UNC5C: variants seen among roughly 807,000 people sequenced by gnomAD.
UNC5C encodes netrin receptor UNC5C.
Under a neutral mutation model 99.8 loss-of-function variants are expected in UNC5C, and 47 were observed. That is an observed-to-expected ratio of 0.47 (90% CI 0.37 to 0.60). The LOEUF (loss-of-function observed/expected upper bound fraction) is 0.60. Ranked by LOEUF, UNC5C falls within the 20% of genes least tolerant of loss-of-function variation. UNC5C has a pLI of 0.00. For synonymous variants in UNC5C, 487 were observed against 452.2 expected (o/e 1.08, Z -0.98); for missense variants, 1,062 against 1,165.9 (o/e 0.91, Z 1.30).
At chr4:95,269,515 T>A (rs968309387) in intron 4 of UNC5C, among the ~76,000 whole-genome samples, 24 of 151,622 alleles carry the variant, frequency 1.6e-4, no homozygotes, top group Non-Finnish European at 3.5e-4. Context: ...CTTGAACTCC[T>A]AGGCTCGAGT....
rs377234493 is a variant in UNC5C, at chr4:95,372,528, A to C, written c.125-36897T>G. On this transcript the variant is annotated intron_variant, in intron 1 of 15. Coordinates refer to ENST00000453304, the MANE Select transcript of UNC5C (RefSeq NM_003728.4). Reference sequence around the variant, plus strand: ...ATTATTGATTTCAAAGAGATTTCTTAATTCTTCCTCTTATTGTTATTCCAT... The same window carrying C: ...ATTATTGATTTCAAAGAGATTTCTTCATTCTTCCTCTTATTGTTATTCCAT... 1.6e-4 allele frequency among the ~76,000 whole-genome samples: 25 copies of C among 152,306 alleles called. No homozygotes were observed. In the South Asian group the frequency reaches 4.6e-3, roughly 28 times the overall value.
At chr4:95,448,942 A>G (rs17381344) in intron 1 of UNC5C, among the ~76,000 whole-genome samples, 105,311 of 151,898 alleles carry the variant, frequency 0.69, 36,847 homozygotes, top group African/African-American at 0.74. Context: ...CTCTAAGTAG[A>G]CTCTTCTAAT....
intron 1 of UNC5C, among the ~76,000 whole-genome samples, chr4:95,534,757 T>C (rs1722732943): frequency 6.6e-6 from 1 of 152,150 alleles, no homozygotes; most frequent in African/African-American, 2.4e-5. Context: ...AAAACATATA[T>C]ATTTAAGAGT....
At chr4:95,261,616 G>A (rs1458054541) in intron 4 of UNC5C, among the ~76,000 whole-genome samples, 3 of 152,022 alleles carry the variant, frequency 2.0e-5, no homozygotes, top group Non-Finnish European at 4.4e-5. Context: ...CTGGATTCAA[G>A]TATCCAGCAC....
intron 1 of UNC5C, among the ~76,000 whole-genome samples, chr4:95,385,491 C>A (rs1745188230): frequency 6.6e-6 from 1 of 152,090 alleles, no homozygotes; most frequent in African/African-American, 2.4e-5. Flanking sequence ...GTGTATTATT[C>A]CAAGATTCTA....
At chr4:95,505,218 A>T (rs1175645032) in intron 1 of UNC5C, among the ~76,000 whole-genome samples, 2 of 152,110 alleles carry the variant, frequency 1.3e-5, no homozygotes, top group Non-Finnish European at 2.9e-5. Flanking sequence ...CGGCCTCCAA[A>T]GTGTAACCAC....
intron 1 of UNC5C, among the ~76,000 whole-genome samples, chr4:95,504,027 A>G (rs1333544648): frequency 6.6e-6 from 1 of 152,186 alleles, no homozygotes; most frequent in Non-Finnish European, 1.5e-5. Context: ...ACTATGTAAT[A>G]TCACTAAGAA....
chr4:95,460,100 G>A (rs992163455), intron 1 of UNC5C, among the ~76,000 whole-genome samples: 2 of 151,656 alleles, frequency 1.3e-5, no homozygotes, highest in African/African-American at 4.8e-5. Context: ...TTAAAAAGGA[G>A]TAGGAGTCAC....
intron 1 of UNC5C, among the ~76,000 whole-genome samples, chr4:95,497,638 T>C (rs1031265308): frequency 6.6e-6 from 1 of 151,956 alleles, no homozygotes; most frequent in African/African-American, 2.4e-5. Context: ...CACTACAAAA[T>C]GCACACAGAT....
At chr4:95,349,996 A>C (rs1579348066) in intron 1 of UNC5C, among the ~76,000 whole-genome samples, 1 of 152,178 alleles carries the variant, frequency 6.6e-6, no homozygotes, top group East Asian at 1.9e-4. Context: ...ACTTATAAAA[A>C]GAAATCATGA....
At chr4:95,239,202 T>C (rs1739237546) in intron 7 of UNC5C, among the ~76,000 whole-genome samples, 1 of 152,238 alleles carries the variant, frequency 6.6e-6, no homozygotes, top group Non-Finnish European at 1.5e-5. Flanking sequence ...CTGTTTGCTC[T>C]GCTGGTGTCC....
chr4:95,429,064 GA>G (rs1254048626), intron 1 of UNC5C, among the ~76,000 whole-genome samples: 1 of 151,996 alleles, frequency 6.6e-6, no homozygotes, highest in Non-Finnish European at 1.5e-5. Flanking sequence ...GGCAACTTGA[GA>G]AAGCAGAACC....
intron 4 of UNC5C, among the ~76,000 whole-genome samples, chr4:95,259,028 T>TG: frequency 6.6e-6 from 1 of 152,058 alleles, no homozygotes; most frequent in East Asian, 1.9e-4. Context: ...CCCAAAGTGC[T>TG]GGGATTACAG....
intron 1 of UNC5C, among the ~76,000 whole-genome samples, chr4:95,545,772 G>GCACACACACACACACACA (rs3975180): frequency 1.0e-4 from 15 of 148,402 alleles, no homozygotes; most frequent in South Asian, 8.5e-4. Flanking sequence ...GCGCGCGCGC[G>GCACACACACACACACACA]CACACACACA....
chr4:95,378,125 A>G (rs759266052), intron 1 of UNC5C, among the ~76,000 whole-genome samples: 5 of 152,202 alleles, frequency 3.3e-5, no homozygotes, highest in Admixed American at 1.3e-4. Context: ...TTATATATAG[A>G]GAGAGTATCC....
intron 1 of UNC5C, among the ~76,000 whole-genome samples, chr4:95,528,126 CTGTT>C (rs1391662105): frequency 1.3e-5 from 2 of 152,118 alleles, no homozygotes; most frequent in African/African-American, 2.4e-5. Context: ...TCTTAACAAT[CTGTT>C]TATGTTTTGA....
At chr4:95,343,879 G>A (rs1743670124) in intron 1 of UNC5C, among the ~76,000 whole-genome samples, 2 of 151,934 alleles carry the variant, frequency 1.3e-5, no homozygotes, top group African/African-American at 4.8e-5. Context: ...TTATTTGAAA[G>A]TACACAGTCA....
chr4:95,437,872 T>A (rs185663416), intron 1 of UNC5C, among the ~76,000 whole-genome samples: 20 of 152,216 alleles, frequency 1.3e-4, no homozygotes, highest in Admixed American at 1.3e-3. Flanking sequence ...AGTGGTAGGA[T>A]CTTTATCAGA....
chr4:95,448,373 C>T (rs561929122), intron 1 of UNC5C, among the ~76,000 whole-genome samples: 45 of 152,176 alleles, frequency 3.0e-4, no homozygotes, highest in African/African-American at 9.2e-4. Flanking sequence ...GCAACCCATA[C>T]GACCCCTCTG....
Sources: gnomAD v4.1 joint callset for allele counts (sites outside exome capture counted in the v4.1 genomes callset) on GRCh38, gnomAD v4.1.1 for gene constraint, MANE v1.5 for transcripts, NCBI Gene and HGNC (gene_info 2026-07-23, HGNC 2026-07-21) for gene names.